Variants in PDE7A observed in about 807,000 individuals in gnomAD.
PDE7A encodes the protein high affinity 3',5'-cyclic-AMP phosphodiesterase 7A.
Under a neutral mutation model 64.3 loss-of-function variants are expected in PDE7A, and 39 were observed. The observed-to-expected ratio is 0.61, with a 90% CI of 0.47 to 0.79. The LOEUF is 0.79. Ranked by LOEUF, PDE7A falls within the 30% of genes least tolerant of loss-of-function variation. The pLI, the probability that PDE7A is intolerant of heterozygous loss-of-function variation, is 0.00. For missense variants in PDE7A, 470 were observed against 582.8 expected, an observed-to-expected ratio of 0.81 and a Z score of 1.99; for synonymous variants, 203 against 206.8, an observed-to-expected ratio of 0.98 and a Z score of 0.16.
rs565249334 is a variant in PDE7A, at chr8:65,755,831, T to C, written c.284-8028A>G. 3.7e-4 allele frequency among the ~76,000 whole-genome samples: 56 copies of C among 152,314 alleles called. No individual in the cohort carries two copies. In the South Asian group the frequency reaches 5.8e-3, roughly 16 times the overall value. On this transcript the variant is annotated intron_variant, in intron 3 of 12. Coordinates refer to ENST00000401827, the MANE Select transcript of PDE7A (RefSeq NM_001242318.3). The stretch of plus-strand genomic sequence containing the variant: ...GAAATGGAGATCTCACTATGTCGCC[T>C]AGGCTGGCCTTGAACTCCTGAGCTC...
Position 65,745,477 on chromosome 8 carries a change from T to C in PDE7A, c.436-7A>G, listed in dbSNP as rs776891899. 6.7e-7 allele frequency: 1 copy of C among 1,493,848 alleles called. No homozygotes were observed. Among genetic ancestry groups the C allele is most frequent in the South Asian group, 1.1e-5 (1 of 88,504 alleles). The allele number at this position is 1,493,848 out of a possible 1,614,324, so 92.5% of individuals were successfully genotyped here. On this transcript the variant is annotated splice_region_variant and splice_polypyrimidine_tract_variant and intron_variant, in intron 4 of 12. Coordinates refer to ENST00000401827, the MANE Select transcript of PDE7A (RefSeq NM_001242318.3). ...CAACTTTTTCCAGCATACACTGAAA[T>C]GAAAACCAAACATTTCTACTGTAAT...
intron 3 of PDE7A, among the ~76,000 whole-genome samples, chr8:65,764,999 A>G (rs1378881158): frequency 6.6e-6 from 1 of 152,242 alleles, no homozygotes; most frequent in East Asian, 1.9e-4. Flanking sequence ...ATACACAGCC[A>G]TAGTCAATTC....
At chr8:65,783,039 TG>T (rs1310269515) in intron 1 of PDE7A, among the ~76,000 whole-genome samples, 196 bp from the exon 2 acceptor site, 3 of 152,188 alleles carry the variant, frequency 2.0e-5, no homozygotes, top group Non-Finnish European at 4.4e-5. Context: ...TAATACAGTA[TG>T]GTTAAGAACT....
At chr8:65,763,037 G>GTA (rs1554562369) in intron 3 of PDE7A, among the ~76,000 whole-genome samples, 3 of 134,712 alleles carry the variant, frequency 2.2e-5, no homozygotes, top group Non-Finnish European at 4.8e-5. Flanking sequence ...GTGTGTGTGT[G>GTA]TATAAAATGA....
At chr8:65,840,043 TA>T (rs1365920108) in intron 1 of PDE7A, among the ~76,000 whole-genome samples, 1 of 152,200 alleles carries the variant, frequency 6.6e-6, no homozygotes, top group African/African-American at 2.4e-5. Context: ...CTACTACTAT[TA>T]AAAACCTTCT....
intron 3 of PDE7A, among the ~76,000 whole-genome samples, chr8:65,767,831 T>C (rs1808869563): frequency 6.6e-6 from 1 of 152,152 alleles, no homozygotes; most frequent in Non-Finnish European, 1.5e-5. Flanking sequence ...AACTGGTAAA[T>C]ATAAGTGTTT....
chr8:65,738,052 G>A (rs2128899849), intron 6 of PDE7A, among the ~76,000 whole-genome samples: 1 of 152,102 alleles, frequency 6.6e-6, no homozygotes, highest in East Asian at 1.9e-4. Flanking sequence ...AAAATAAAGT[G>A]AATATTGCAA....
chr8:65,753,554 T>G (rs953229311), intron 3 of PDE7A, among the ~76,000 whole-genome samples: 8 of 151,888 alleles, frequency 5.3e-5, no homozygotes, highest in Admixed American at 2.6e-4. Flanking sequence ...AATTAAGACT[T>G]CTTTGTGTCC....
In PDE7A at chr8:65,724,786, C is replaced by T. The variant is rs1281910319; in HGVS notation, c.1056G>A (p.Leu352=). ...CCAAGCCCCATTTTACCTGTAAAAC[C>T]AAATGTCTGTGTCTGGTGTCTTCTA... ...LCLEDTRHRH[L]VLQMALKCAD... The change falls in exon 10 of 13, where the codon TTG becomes TTA. Residue 352 remains leucine, a synonymous_variant. Coordinates refer to ENST00000401827, the MANE Select transcript of PDE7A (RefSeq NM_001242318.3). The T allele has an allele frequency of 3.1e-6, 5 of 1,602,580 alleles. No homozygotes were observed.
chr8:65,813,297 G>A (rs1187360620), intron 1 of PDE7A, among the ~76,000 whole-genome samples: 1 of 152,002 alleles, frequency 6.6e-6, no homozygotes, highest in Non-Finnish European at 1.5e-5. Flanking sequence ...ATTTACTGCA[G>A]CACTGTTTGA....
intron 4 of PDE7A, among the ~76,000 whole-genome samples, chr8:65,746,515 C>G (rs941471427): frequency 3.9e-5 from 6 of 152,066 alleles, no homozygotes; most frequent in African/African-American, 7.2e-5. Context: ...TTCAGCCAAG[C>G]AAATAAATCC....
chr8:65,775,561 T>G (rs755060662), intron 3 of PDE7A, among the ~76,000 whole-genome samples: 1 of 152,240 alleles, frequency 6.6e-6, no homozygotes, highest in Non-Finnish European at 1.5e-5. Context: ...CAGGCCTTTT[T>G]GTTTTCTAGC....
chr8:65,796,532 A>G (rs1809848497), intron 1 of PDE7A, among the ~76,000 whole-genome samples: 1 of 151,400 alleles, frequency 6.6e-6, no homozygotes, highest in Non-Finnish European at 1.5e-5. Flanking sequence ...CTAGGAATCT[A>G]AAGCTGATTT....
At chr8:65,815,080 CAA>C (rs58731933) in intron 1 of PDE7A, among the ~76,000 whole-genome samples, 12 of 129,816 alleles carry the variant, frequency 9.2e-5, no homozygotes, top group African/African-American at 1.4e-4. Context: ...GACTCCATCT[CAA>C]AAAAAAAAAA....
intron 5 of PDE7A, among the ~76,000 whole-genome samples, chr8:65,740,461 T>C (rs1315506557): frequency 2.0e-5 from 3 of 152,134 alleles, no homozygotes; most frequent in Admixed American, 1.3e-4. Context: ...AGTACAATGG[T>C]GCGATCTTGG....
intron 1 of PDE7A, among the ~76,000 whole-genome samples, chr8:65,814,127 G>A (rs1256318817): frequency 6.6e-6 from 1 of 152,012 alleles, no homozygotes; most frequent in Non-Finnish European, 1.5e-5. Context: ...CTAAGCAGAT[G>A]ATTAAATGAA....
intron 1 of PDE7A, among the ~76,000 whole-genome samples, chr8:65,802,445 T>C (rs1266061657): frequency 2.0e-5 from 3 of 152,212 alleles, no homozygotes; most frequent in Non-Finnish European, 4.4e-5. Context: ...CAAACAAATA[T>C]GCTCTTAAAA....
chr8:65,739,335 A>G (rs992474794), intron 6 of PDE7A, among the ~76,000 whole-genome samples, 167 bp downstream of exon 6: 2 of 152,210 alleles, frequency 1.3e-5, no homozygotes, highest in Non-Finnish European at 2.9e-5. Flanking sequence ...AGAAGCATTT[A>G]ACAGCCCCAC....
intron 1 of PDE7A, among the ~76,000 whole-genome samples, chr8:65,795,011 AAG>A (rs1366022898): frequency 6.6e-6 from 1 of 152,196 alleles, no homozygotes; most frequent in Non-Finnish European, 1.5e-5. Flanking sequence ...CCCAGGCAGA[AAG>A]AGCAATATGT....
Sources: gnomAD v4.1 joint callset for allele counts (sites outside exome capture counted in the v4.1 genomes callset) on GRCh38, gnomAD v4.1.1 for gene constraint, MANE v1.5 for transcripts, NCBI Gene and HGNC (gene_info 2026-07-23, HGNC 2026-07-21) for gene names.